MPDZ: variants seen among roughly 807,000 people sequenced by gnomAD.
MPDZ encodes multiple PDZ domain crumbs cell polarity complex component.
MPDZ carries 234 observed loss-of-function variants against 239.1 expected under a neutral mutation model. That is an observed-to-expected ratio of 0.98 (90% confidence interval 0.88 to 1.09). MPDZ has a LOEUF of 1.09. Ranked by LOEUF, MPDZ falls within the 50% of genes least tolerant of loss-of-function variation. The probability of loss-of-function intolerance (pLI) is 0.00; values close to 1 mark genes in which losing one functional copy is unlikely to be tolerated. For missense variants in MPDZ, 3,175 were observed against 2,510.0 expected (o/e 1.26, Z -5.66); for synonymous variants, 1,048 against 881.3 (o/e 1.19, Z -3.35).
intron 15 of MPDZ, 28 bp downstream of exon 15, chr9:13,192,103 G>T (rs753934212): frequency 6.5e-7 from 1 of 1,543,994 alleles, no homozygotes; most frequent in Non-Finnish European, 8.8e-7. Context: ...ATATATGTAG[G>T]TTAGCCTCAT....
intron 1 of MPDZ, chr9:13,278,896 A>G (rs903129331): frequency 3.3e-5 from 5 of 152,256 alleles, no homozygotes; most frequent in Non-Finnish European, 7.3e-5. Flanking sequence ...CGGCCCCTGC[A>G]GGGGAGAGCA....
chr9:13,168,252 A>T lies in MPDZ; in HGVS notation c.3254+114T>A, dbSNP rs1238043271. On this transcript the variant is annotated intron_variant, in intron 22 of 46. Transcript: ENST00000319217. The stretch of plus-strand genomic sequence containing the variant: ...GTCAATTTCTTGAGTGATTTATGTT[A>T]AAAAAAATGTGATAACGTTTGCATC... The T allele has an allele frequency of 5.6e-6, 5 of 900,556 alleles. No individual in the cohort carries two copies. In the African/African-American group the frequency reaches 6.8e-5, roughly 12 times the overall value. 55.8% of individuals were successfully genotyped at this position (900,556 alleles called of 1,614,324 possible). A position where few individuals can be genotyped will look rare whatever the true frequency, so the allele number is the denominator to read the frequency against.
chr9:13,197,610 T>C (rs899928522), intron 12 of MPDZ, among the ~76,000 whole-genome samples: 1 of 152,150 alleles, frequency 6.6e-6, no homozygotes, highest in Admixed American at 6.6e-5. Flanking sequence ...TTTGTGTGTG[T>C]TGGGAACATT....
At chr9:13,168,318 G>A (rs1459659836) in intron 22 of MPDZ, 48 bp downstream of exon 22, 2 of 1,534,540 alleles carry the variant, frequency 1.3e-6, no homozygotes, top group Non-Finnish European at 1.8e-6. Context: ...CTGATTAATT[G>A]AAATTCCTGA....
intron 39 of MPDZ, among the ~76,000 whole-genome samples, chr9:13,117,800 T>G (rs1010444983): frequency 1.3e-5 from 2 of 152,018 alleles, no homozygotes; most frequent in Non-Finnish European, 2.9e-5. Context: ...AACATGTAAG[T>G]TATACAAATA....
chr9:13,113,373 A>G (rs575151837), intron 41 of MPDZ, among the ~76,000 whole-genome samples: 1 of 152,298 alleles, frequency 6.6e-6, no homozygotes. Flanking sequence ...TGAGAGGAAT[A>G]AAGTCATGGA....
At position 13,247,764 on chromosome 9, in the gene MPDZ, T is replaced by G. The variant is rs1241361331; in HGVS notation, c.54A>C (p.Gln18His). Residue 18 changes from glutamine (Q) to histidine (H), a missense_variant, in exon 3 of 47, where the codon CAA becomes CAC. Coordinates refer to ENST00000319217, the MANE Select transcript of MPDZ (RefSeq NM_001378778.1). Reference sequence around the variant, plus strand: ...CATCCCCACGTTCTCGCAGCTTGGTTTGCAAGCGCTCTGCTGCATGCAGGG... The same window carrying G: ...CATCCCCACGTTCTCGCAGCTTGGTGTGCAAGCGCTCTGCTGCATGCAGGG... ...NRALHAAERL[Q>H]TKLRERGDVA... 2.5e-6 allele frequency: 4 copies of G among 1,612,722 alleles called. No individual in the cohort carries two copies. The highest frequency in any genetic ancestry group is 3.4e-6 in the Non-Finnish European group (4 of 1,178,878).
chr9:13,137,184 C>T (rs1160579191), intron 29 of MPDZ, among the ~76,000 whole-genome samples: 1 of 152,184 alleles, frequency 6.6e-6, no homozygotes, highest in Admixed American at 6.5e-5. Flanking sequence ...AAGTTCCTTA[C>T]TGTCATATTT....
chr9:13,223,669 A>C lies in MPDZ; in HGVS notation c.435T>G (p.Ser145=). The part of the protein sequence containing the change: ...VEVFELLKPP[S]GGLGFSVVGL... The stretch of plus-strand genomic sequence containing the variant: ...CCACAACACTAAACCCAAGGCCTCC[A>C]GATGGAGGTTTGAGGAGCTCAAAAA... Residue 145 remains serine, a synonymous_variant, in exon 5 of 47, where the codon TCT becomes TCG. Coordinates refer to ENST00000319217, the MANE Select transcript of MPDZ (RefSeq NM_001378778.1). 6.2e-7 allele frequency: 1 copy of C among 1,611,440 alleles called. No homozygotes were observed. The highest frequency in any genetic ancestry group is 8.5e-7 in the Non-Finnish European group (1 of 1,178,598).
At chr9:13,158,230 G>A in intron 23 of MPDZ, 120 bp from the exon 24 acceptor site, 4 of 682,414 alleles carry the variant, frequency 5.9e-6, no homozygotes, top group Non-Finnish European at 9.8e-6. Flanking sequence ...CACCATACAT[G>A]GCCATAAGTA....
intron 30 of MPDZ, 80 bp from the exon 31 acceptor site, chr9:13,136,262 T>C (rs1946727940): frequency 3.4e-6 from 3 of 876,626 alleles, no homozygotes; most frequent in African/African-American, 1.8e-5. Context: ...AGAAGGTTAT[T>C]AGAGAAAATT....
At chr9:13,262,612 T>A in intron 1 of MPDZ, among the ~76,000 whole-genome samples, 1 of 147,756 alleles carries the variant, frequency 6.8e-6, no homozygotes. Flanking sequence ...TACACCAAGA[T>A]GAAAAAAAGA....
intron 18 of MPDZ, among the ~76,000 whole-genome samples, chr9:13,184,323 T>C (rs1953792363): frequency 6.6e-6 from 1 of 152,016 alleles, no homozygotes; most frequent in Admixed American, 6.6e-5. Context: ...CTCAAAGTCA[T>C]ACCTGAGAAT....
In MPDZ at chr9:13,133,892, C is replaced by T. The variant is rs1350662209; in HGVS notation, c.4396G>A (p.Val1466Ile). 7 of 1,577,466 alleles carry T rather than the reference C, an allele frequency of 4.4e-6. No individual in the cohort carries two copies. The highest frequency in any genetic ancestry group is 6.0e-6 in the Non-Finnish European group (7 of 1,159,632). ...NLQNKETEPT[V>I]TTSDAAVDLS... ...TCCACAGCTGCATCAGAAGTAGTAA[C>T]AGTTGGCTCTGTCTGACAGAGGGAA... Residue 1466 changes from valine to isoleucine, a missense_variant, in exon 32 of 47, where the codon GTT becomes ATT. Val to Ile is a conservative substitution (Grantham distance 29, BLOSUM62 3). Coordinates refer to ENST00000319217, the MANE Select transcript of MPDZ (RefSeq NM_001378778.1).
In MPDZ at chr9:13,270,463, C is replaced by T. The variant is rs535460538; in HGVS notation, c.-58+8937G>A. On this transcript the variant is annotated intron_variant, in intron 1 of 46. Coordinates refer to ENST00000319217, the MANE Select transcript of MPDZ (RefSeq NM_001378778.1). ...ACCAACACAGTAGCCAGGAGCCACA[C>T]TGAAACACACTACTGGGCACTTACA... 4.6e-5 allele frequency among the ~76,000 whole-genome samples: 7 copies of T among 151,890 alleles called. No homozygotes were observed. The East Asian group carries it at 1.2e-3, about 25-fold the overall frequency.
intron 10 of MPDZ, among the ~76,000 whole-genome samples, chr9:13,213,900 T>C (rs1443035195): frequency 6.6e-6 from 1 of 152,066 alleles, no homozygotes; most frequent in Admixed American, 6.6e-5. Flanking sequence ...TAAACTGCTA[T>C]CAGATATCTG....
intron 26 of MPDZ, among the ~76,000 whole-genome samples, chr9:13,144,685 G>C (rs1242565469): frequency 6.6e-6 from 1 of 152,060 alleles, no homozygotes; most frequent in Non-Finnish European, 1.5e-5. Flanking sequence ...TAAAGCTTAT[G>C]CCACATTACC....
Position 13,183,595 on chromosome 9 carries a change from A to G in MPDZ, c.2482-10T>C. ...CATCATTTGTGCCCACCTAGAAACAAAACAATAATATCAGTTGGGAATTCT... is the reference window on the plus strand; with the variant it reads ...CATCATTTGTGCCCACCTAGAAACAGAACAATAATATCAGTTGGGAATTCT... On this transcript the variant is annotated splice_polypyrimidine_tract_variant and intron_variant, in intron 18 of 46. Coordinates refer to ENST00000319217, the MANE Select transcript of MPDZ (RefSeq NM_001378778.1). 6.2e-7 allele frequency: 1 copy of G among 1,610,824 alleles called. No individual in the cohort carries two copies. The highest frequency in any genetic ancestry group is 8.5e-7 in the Non-Finnish European group (1 of 1,178,396).
chr9:13,208,475 G>A (rs1011377787), intron 10 of MPDZ, among the ~76,000 whole-genome samples: 2 of 149,382 alleles, frequency 1.3e-5, no homozygotes, highest in Non-Finnish European at 3.0e-5. Flanking sequence ...AAAAAAAAAA[G>A]ACCTAGATCA....
Sources: gnomAD v4.1 joint callset for allele counts (sites outside exome capture counted in the v4.1 genomes callset) on GRCh38, gnomAD v4.1.1 for gene constraint, MANE v1.5 for transcripts, NCBI Gene and HGNC (gene_info 2026-07-23, HGNC 2026-07-21) for gene names.